Variants in SVOP observed in about 807,000 individuals in gnomAD.
SVOP encodes the protein SV2 related protein, also known as synaptic vesicle 2-related protein.
Under a neutral mutation model 69.1 loss-of-function variants are expected in SVOP, and 17 were observed. The observed-to-expected ratio is 0.25, with a 90% CI of 0.17 to 0.37. The LOEUF (loss-of-function observed/expected upper bound fraction) is 0.37. SVOP is among the 10% of genes least tolerant of loss of function. The probability of loss-of-function intolerance (pLI) is 1.00; values close to 1 mark genes in which losing one functional copy is unlikely to be tolerated. For synonymous variants in SVOP, 238 were observed against 238.6 expected (o/e 1.00, Z 0.02); for missense variants, 435 against 597.5 (o/e 0.73, Z 2.84).
chr12:108,918,505 T>G (rs1162421144), intron 13 of SVOP, among the ~76,000 whole-genome samples: 1 of 152,218 alleles, frequency 6.6e-6, no homozygotes, highest in African/African-American at 2.4e-5. Context: ...AGGATAATTC[T>G]GATCCCAACC....
chr12:108,994,587 C>T (rs76819502), intron 1 of SVOP, among the ~76,000 whole-genome samples: 13,726 of 152,230 alleles, frequency 0.09, 764 homozygotes, highest in Middle Eastern at 0.16. Context: ...TTATTTAATA[C>T]GCATTTTCAC....
chr12:108,953,071 A>C (rs2039965481), intron 6 of SVOP, among the ~76,000 whole-genome samples: 1 of 151,102 alleles, frequency 6.6e-6, no homozygotes, highest in Non-Finnish European at 1.5e-5. Flanking sequence ...AAGGGAGGAG[A>C]GAAGGAGGGT....
At chr12:108,998,292 C>T (rs1266435727) in intron 1 of SVOP, among the ~76,000 whole-genome samples, 1 of 151,650 alleles carries the variant, frequency 6.6e-6, no homozygotes, top group Non-Finnish European at 1.5e-5. Flanking sequence ...GCAAAGCCTC[C>T]AAGAAATATG....
chr12:108,923,609 A>G (rs145120118), intron 11 of SVOP, among the ~76,000 whole-genome samples: 2 of 152,080 alleles, frequency 1.3e-5, no homozygotes, highest in Non-Finnish European at 2.9e-5. Context: ...AGAAGCTATG[A>G]GATGATAAGT....
At chr12:108,987,728 A>C (rs1210369662) in intron 1 of SVOP, among the ~76,000 whole-genome samples, 1 of 152,146 alleles carries the variant, frequency 6.6e-6, no homozygotes, top group East Asian at 1.9e-4. Context: ...CCCTTTGTAC[A>C]TCTTTGAAGA....
At position 108,978,617 on chromosome 12, in the gene SVOP, T is replaced by C. The variant is rs1479273818; in HGVS notation, c.243A>G (p.Lys81=). The change falls in exon 3 of 16, where the codon AAA becomes AAG. Residue 81 remains lysine (K), a synonymous_variant. Transcript: ENST00000610966. ...TGAGAACAGACAGCTTCCACTGAAATTTTCCAAAGCCAATGGCTTCCACTG... is the reference window on the plus strand; with the variant it reads ...TGAGAACAGACAGCTTCCACTGAAACTTTCCAAAGCCAATGGCTTCCACTG... ...EDAVEAIGFG[K]FQWKLSVLTG... 2 of 703,950 alleles carry C rather than the reference T, an allele frequency of 2.8e-6. No homozygotes were observed. The highest frequency in any genetic ancestry group is 5.2e-6 in the Non-Finnish European group (2 of 384,938). 43.6% of individuals were successfully genotyped at this position (703,950 alleles called of 1,614,324 possible).
chr12:108,936,349 A>G (rs1389603337), intron 10 of SVOP, among the ~76,000 whole-genome samples: 1 of 152,184 alleles, frequency 6.6e-6, no homozygotes, highest in Non-Finnish European at 1.5e-5. Flanking sequence ...CAGCCCATAT[A>G]GCAGAAATAT....
chr12:108,990,348 C>T (rs371476344), intron 1 of SVOP, among the ~76,000 whole-genome samples: 36 of 152,178 alleles, frequency 2.4e-4, no homozygotes, highest in African/African-American at 7.9e-4. Flanking sequence ...TGTATATGTG[C>T]CACATTTTAT....
chr12:109,014,104 C>A (rs1357191567), intron 1 of SVOP, among the ~76,000 whole-genome samples: 1 of 149,380 alleles, frequency 6.7e-6, no homozygotes, highest in East Asian at 2.0e-4. Flanking sequence ...GGACCTCCAT[C>A]TCCTAAGTTC....
At chr12:108,960,291 G>A (rs1044665826) in intron 6 of SVOP, among the ~76,000 whole-genome samples, 4 of 152,118 alleles carry the variant, frequency 2.6e-5, no homozygotes, top group African/African-American at 4.8e-5. Flanking sequence ...AATTCTGCCC[G>A]TATGCCATAG....
chr12:108,960,503 C>A (rs976083642), intron 6 of SVOP, among the ~76,000 whole-genome samples: 2 of 152,072 alleles, frequency 1.3e-5, no homozygotes, highest in Admixed American at 6.5e-5. Flanking sequence ...AAGCAGCATT[C>A]ATGGTAGCTA....
chr12:108,918,834 T>C (rs530241005), intron 13 of SVOP, among the ~76,000 whole-genome samples: 2 of 152,292 alleles, frequency 1.3e-5, no homozygotes, highest in South Asian at 2.1e-4. Flanking sequence ...AAAGTCTAAA[T>C]ATGGCATCAT....
chr12:108,993,935 T>C (rs2040217318), intron 1 of SVOP, among the ~76,000 whole-genome samples: 1 of 152,196 alleles, frequency 6.6e-6, no homozygotes, highest in Non-Finnish European at 1.5e-5. Context: ...TCAGTACCCT[T>C]GACTCTGAGG....
chr12:108,980,682 G>A (rs1234757355), intron 2 of SVOP, among the ~76,000 whole-genome samples: 3 of 125,242 alleles, frequency 2.4e-5, no homozygotes, highest in African/African-American at 3.4e-5. Flanking sequence ...CCCGGGAAGC[G>A]GAGCTTGCAG....
chr12:108,957,320 C>A (rs2039991141), intron 6 of SVOP, among the ~76,000 whole-genome samples: 1 of 152,094 alleles, frequency 6.6e-6, no homozygotes, highest in Non-Finnish European at 1.5e-5. Context: ...TGTGTCACCA[C>A]ACCCAGCTAA....
chr12:108,943,056 G>C (rs1386078211), intron 7 of SVOP, among the ~76,000 whole-genome samples: 1 of 151,944 alleles, frequency 6.6e-6, no homozygotes, highest in African/African-American at 2.4e-5. Context: ...ACTGTGCCCG[G>C]CCAATAGTCC....
intron 11 of SVOP, among the ~76,000 whole-genome samples, chr12:108,928,767 C>T (rs2039797849): frequency 6.6e-6 from 1 of 152,050 alleles, no homozygotes; most frequent in Non-Finnish European, 1.5e-5. Flanking sequence ...AGGGTTTCAC[C>T]ATATTGCCCA....
Position 108,934,214 on chromosome 12 carries a change from C to G in SVOP, c.1029G>C (p.Gln343His). ...GLVLLTTELF[Q>H]AGDVCGISSR... ...ACTCACTGCCGCAGACATCTCCTGC[C>G]TGGAAGAGTTCTGTGGTGAGTAGAA... The change falls in exon 11 of 16, where the codon CAG becomes CAC. Residue 343 changes from glutamine to histidine, a missense_variant. Transcript: ENST00000610966. 1.9e-6 allele frequency: 3 copies of G among 1,605,876 alleles called. No individual in the cohort carries two copies. The highest frequency in any genetic ancestry group is 2.6e-6 in the Non-Finnish European group (3 of 1,176,232).
At chr12:108,981,273 A>G (rs1365230761) in intron 2 of SVOP, among the ~76,000 whole-genome samples, 1 of 152,190 alleles carries the variant, frequency 6.6e-6, no homozygotes, top group Non-Finnish European at 1.5e-5. Context: ...GCCCCATTTT[A>G]CAGAGGAGGA....
Sources: gnomAD v4.1 joint callset for allele counts (sites outside exome capture counted in the v4.1 genomes callset) on GRCh38, gnomAD v4.1.1 for gene constraint, MANE v1.5 for transcripts, NCBI Gene and HGNC (gene_info 2026-07-23, HGNC 2026-07-21) for gene names.